Variants in ISM1 observed in about 807,000 individuals in gnomAD.
ISM1 encodes isthmin 1, also known as isthmin-1.
A neutral mutation model predicts 46.3 loss-of-function variants in ISM1; 25 were observed. That is an observed-to-expected ratio of 0.54 (90% CI 0.39 to 0.75). The LOEUF is 0.75. Among genes scored for constraint, ISM1 ranks in the 30% least tolerant of loss-of-function variants. ISM1 has a pLI of 0.00. For synonymous variants in ISM1, 255 were observed against 256.7 expected (o/e 0.99, Z 0.06); for missense variants, 536 against 625.4 (o/e 0.86, Z 1.52).
intron 1 of ISM1, among the ~76,000 whole-genome samples, chr20:13,265,933 C>T (rs1043055862): frequency 6.6e-5 from 10 of 152,190 alleles, no homozygotes; most frequent in Non-Finnish European, 1.0e-4. Context: ...CAGTCAGCCA[C>T]GCTTAGACTA....
chr20:13,267,555 A>G (rs1423131554), intron 1 of ISM1, among the ~76,000 whole-genome samples: 1 of 152,072 alleles, frequency 6.6e-6, no homozygotes, highest in Non-Finnish European at 1.5e-5. Flanking sequence ...TTTACATGCA[A>G]AGTCCTCGAG....
the ISM1 span, among the ~76,000 whole-genome samples, chr20:13,322,816 T>C: frequency 6.6e-6 from 1 of 152,044 alleles, no homozygotes; most frequent in Non-Finnish European, 1.5e-5. Flanking sequence ...TAGCACTGTG[T>C]CAACTTGAAA....
chr20:13,323,720 A>G, the ISM1 span, among the ~76,000 whole-genome samples: 1 of 152,202 alleles, frequency 6.6e-6, no homozygotes, highest in Non-Finnish European at 1.5e-5. Flanking sequence ...TACTAAAAGA[A>G]TGTTCTTAAA....
intron 3 of ISM1, among the ~76,000 whole-genome samples, chr20:13,287,863 A>G (rs1037977000): frequency 2.0e-5 from 3 of 152,194 alleles, no homozygotes; most frequent in Non-Finnish European, 2.9e-5. Context: ...ACCGTTTATT[A>G]TTTCTCATGA....
At chr20:13,288,491 G>T (rs779367332) in intron 3 of ISM1, 49 bp from the exon 4 acceptor site, 16 of 1,590,528 alleles carry the variant, frequency 1.0e-5, no homozygotes, top group Admixed American at 3.4e-5. Flanking sequence ...GGGGAGATTG[G>T]GAGACTCTTT....
At chr20:13,275,211 TAGTCATGTAA>T (rs893222453) in intron 2 of ISM1, among the ~76,000 whole-genome samples, 297 of 128,124 alleles carry the variant, frequency 2.3e-3, no homozygotes, top group African/African-American at 7.7e-3. Flanking sequence ...GACTTAAAAA[TAGTCATGTAA>T]AGGCCTTTTT....
chr20:13,311,481 A>G, the ISM1 span, among the ~76,000 whole-genome samples: 2 of 152,220 alleles, frequency 1.3e-5, no homozygotes, highest in African/African-American at 2.4e-5. Context: ...AGATATCTGC[A>G]TCTTCATGTT....
At chr20:13,233,534 G>T (rs1568663013) in intron 1 of ISM1, among the ~76,000 whole-genome samples, 1 of 148,736 alleles carries the variant, frequency 6.7e-6, no homozygotes, top group Non-Finnish European at 1.5e-5. Flanking sequence ...GCTAGAGGTT[G>T]CAATGAGCCA....
chr20:13,262,537 A>G (rs1157721215), intron 1 of ISM1, among the ~76,000 whole-genome samples: 1 of 151,940 alleles, frequency 6.6e-6, no homozygotes, highest in African/African-American at 2.4e-5. Context: ...CACTTGAAAG[A>G]ATAATTTATC....
intron 1 of ISM1, among the ~76,000 whole-genome samples, chr20:13,245,847 C>T (rs757870414): frequency 1.3e-5 from 2 of 152,222 alleles, no homozygotes; most frequent in Non-Finnish European, 2.9e-5. Flanking sequence ...AACTGACCCA[C>T]CTTTCCTGCT....
intron 2 of ISM1, among the ~76,000 whole-genome samples, chr20:13,277,436 G>T (rs74443519): frequency 0.03 from 4,607 of 152,176 alleles, 214 homozygotes; most frequent in African/African-American, 0.1. Flanking sequence ...CTGCAGAGAA[G>T]AAAGGTTATG....
intron 3 of ISM1, among the ~76,000 whole-genome samples, chr20:13,282,769 G>T (rs1233812657): frequency 3.3e-5 from 5 of 152,204 alleles, no homozygotes; most frequent in African/African-American, 1.2e-4. Context: ...ATGTGCACAT[G>T]AATAGCCCCG....
chr20:13,292,900 A>C (rs2123320809), intron 5 of ISM1, among the ~76,000 whole-genome samples: 1 of 152,118 alleles, frequency 6.6e-6, no homozygotes, highest in South Asian at 2.1e-4. Context: ...CCCTGCAAAA[A>C]TTTTTTATAC....
At chr20:13,249,237 T>C (rs1225033539) in intron 1 of ISM1, among the ~76,000 whole-genome samples, 3 of 152,174 alleles carry the variant, frequency 2.0e-5, no homozygotes, top group Non-Finnish European at 4.4e-5. Flanking sequence ...TGAAAGGTAC[T>C]GAAAACAGGC....
chr20:13,242,854 T>C (rs2039743831), intron 1 of ISM1, among the ~76,000 whole-genome samples: 1 of 152,238 alleles, frequency 6.6e-6, no homozygotes, highest in South Asian at 2.1e-4. Context: ...AGATTTCACC[T>C]GATTTTATCT....
In ISM1 at chr20:13,294,796, C is replaced by T. The variant is rs1212905473; in HGVS notation, c.877+2333C>T. ...GGTGCACCCTCTAGGTTCCCTCCCA[C>T]TTAATCCTCTTTGCAACTTTATGAG... On this transcript the variant is annotated intron_variant, in intron 5 of 5. Transcript: ENST00000262487. 3.9e-5 allele frequency among the ~76,000 whole-genome samples: 6 copies of T among 152,312 alleles called. No homozygotes were observed. In the South Asian group the frequency reaches 1.2e-3, roughly 32 times the overall value.
intron 1 of ISM1, among the ~76,000 whole-genome samples, chr20:13,248,138 T>C (rs1479139154): frequency 6.6e-6 from 1 of 152,252 alleles, no homozygotes; most frequent in Non-Finnish European, 1.5e-5. Flanking sequence ...ACTGAGGTTG[T>C]GGCTGCCCGA....
chr20:13,286,728 A>G (rs2040297442), intron 3 of ISM1, among the ~76,000 whole-genome samples: 2 of 152,196 alleles, frequency 1.3e-5, no homozygotes, highest in Non-Finnish European at 2.9e-5. Context: ...TGCCTGAGGC[A>G]TGTTCAGAGT....
intron 1 of ISM1, among the ~76,000 whole-genome samples, chr20:13,263,094 G>A (rs142644730): frequency 8.0e-4 from 122 of 152,210 alleles, no homozygotes; most frequent in African/African-American, 2.6e-3. Context: ...ACGTATGGCC[G>A]TTTCCCCTCT....
Sources: gnomAD v4.1 joint callset for allele counts (sites outside exome capture counted in the v4.1 genomes callset) on GRCh38, gnomAD v4.1.1 for gene constraint, MANE v1.5 for transcripts, NCBI Gene and HGNC (gene_info 2026-07-23, HGNC 2026-07-21) for gene names.